AGMO: variants seen among roughly 807,000 people sequenced by gnomAD.
AGMO encodes the protein alkylglycerol monooxygenase, also known as glyceryl-ether monooxygenase.
In AGMO, 75 loss-of-function variants were observed where a neutral mutation model predicts 60.2. The observed-to-expected ratio is 1.25, with a 90% CI of 1.03 to 1.51. The LOEUF (loss-of-function observed/expected upper bound fraction) is 1.51, where lower values mean the gene tolerates loss of function less well. AGMO is among the 40% of genes most tolerant of loss of function. The pLI is 0.00. For synonymous variants in AGMO, 261 were observed against 177.1 expected (o/e 1.47, Z -3.76); for missense variants, 763 against 525.5 (o/e 1.45, Z -4.42).
chr7:15,502,447 T>G (rs1022120462), intron 3 of AGMO, among the ~76,000 whole-genome samples: 3 of 151,950 alleles, frequency 2.0e-5, no homozygotes, highest in African/African-American at 7.2e-5. Flanking sequence ...AATGGACCTC[T>G]TAAAATTATC....
intron 3 of AGMO, among the ~76,000 whole-genome samples, chr7:15,518,928 T>A (rs1783902070): frequency 6.6e-6 from 1 of 151,556 alleles, no homozygotes; most frequent in Non-Finnish European, 1.5e-5. Context: ...TGATAAAAAG[T>A]TACAGCAATT....
intron 2 of AGMO, among the ~76,000 whole-genome samples, chr7:15,547,178 C>A (rs1784805024): frequency 6.6e-6 from 1 of 150,496 alleles, no homozygotes; most frequent in Non-Finnish European, 1.5e-5. Flanking sequence ...GATTTAGGAC[C>A]CTTCCTTCTC....
chr7:15,234,123 T>C (rs180850999), intron 12 of AGMO, among the ~76,000 whole-genome samples: 33 of 152,316 alleles, frequency 2.2e-4, no homozygotes, highest in Admixed American at 1.9e-3. Context: ...ACTTCACTAC[T>C]GACTACAACT....
intron 3 of AGMO, among the ~76,000 whole-genome samples, chr7:15,448,279 G>A (rs928174681): frequency 5.3e-5 from 8 of 152,108 alleles, no homozygotes; most frequent in African/African-American, 1.9e-4. Context: ...GAAGCTTAGG[G>A]AACGGGATTA....
chr7:15,497,828 T>G (rs10950564), intron 3 of AGMO, among the ~76,000 whole-genome samples: 1 of 151,918 alleles, frequency 6.6e-6, no homozygotes, highest in Non-Finnish European at 1.5e-5. Context: ...TTCCTATAGA[T>G]TGGGTTGGAT....
intron 12 of AGMO, among the ~76,000 whole-genome samples, chr7:15,348,571 C>T (rs1477409643): frequency 6.6e-6 from 1 of 151,998 alleles, no homozygotes; most frequent in Non-Finnish European, 1.5e-5. Context: ...TATTTTTCTT[C>T]TTTCTATAGC....
the AGMO span, among the ~76,000 whole-genome samples, chr7:15,145,705 A>G: frequency 6.6e-6 from 1 of 152,150 alleles, no homozygotes; most frequent in Non-Finnish European, 1.5e-5. Context: ...GTCAACCTCC[A>G]TTATGCTCAC....
chr7:15,127,938 T>A, the AGMO span, among the ~76,000 whole-genome samples: 1 of 152,104 alleles, frequency 6.6e-6, no homozygotes, highest in East Asian at 1.9e-4. Flanking sequence ...CCTTTCTCCA[T>A]TAGTGACATG....
At chr7:15,133,393 T>C in the AGMO span, among the ~76,000 whole-genome samples, 13 of 152,202 alleles carry the variant, frequency 8.5e-5, no homozygotes, top group East Asian at 1.7e-3. Flanking sequence ...ATGGCAAAAG[T>C]GCTGAAATGG....
At chr7:15,495,803 G>GTT (rs1459731572) in intron 3 of AGMO, among the ~76,000 whole-genome samples, 2 of 150,626 alleles carry the variant, frequency 1.3e-5, no homozygotes, top group African/African-American at 4.9e-5. Flanking sequence ...CTTTTCCTTT[G>GTT]TAAGTGGGGA....
intron 12 of AGMO, among the ~76,000 whole-genome samples, chr7:15,343,634 A>AC (rs1781935100): frequency 6.6e-6 from 1 of 152,082 alleles, no homozygotes; most frequent in African/African-American, 2.4e-5. Context: ...CTTGTTACCA[A>AC]CCTCTTTGCT....
intron 4 of AGMO, among the ~76,000 whole-genome samples, chr7:15,420,304 A>G (rs1397945265): frequency 6.6e-6 from 1 of 152,082 alleles, no homozygotes; most frequent in Non-Finnish European, 1.5e-5. Context: ...TCACAAGTCT[A>G]TTAGCACACA....
chr7:15,449,057 T>C (rs1370275108), intron 3 of AGMO, among the ~76,000 whole-genome samples: 2 of 152,154 alleles, frequency 1.3e-5, no homozygotes, highest in Non-Finnish European at 2.9e-5. Context: ...TGCCCTCTCT[T>C]TTCTATGTGA....
rs1056232159 is a variant in AGMO at position 15,216,598 on chromosome 7, T to C, written c.1264-15239A>G. On this transcript the variant is annotated intron_variant, in intron 12 of 12. Coordinates refer to ENST00000342526, the MANE Select transcript of AGMO (RefSeq NM_001004320.2). ...ATTAAAGAATAATGATAAAAAATAATGAAGTGTCACTAAAATTCAATATAA... is the reference window on the plus strand; with the variant it reads ...ATTAAAGAATAATGATAAAAAATAACGAAGTGTCACTAAAATTCAATATAA... Among the ~76,000 whole-genome samples the C allele has an allele frequency of 3.3e-5, 5 of 152,186 alleles. No individual in the cohort carries two copies. The South Asian group carries it at 1.0e-3, about 32-fold the overall frequency.
chr7:15,354,456 ACACACG>A (rs1563105740), intron 12 of AGMO, among the ~76,000 whole-genome samples: 2 of 8,622 alleles, frequency 2.3e-4, no homozygotes, highest in Non-Finnish European at 4.2e-4. Context: ...GTGTGTGTAT[ACACACG>A]TGTGTGTATA....
chr7:15,430,917 AG>A (rs1359268676), intron 4 of AGMO, 87 bp downstream of exon 4: 4 of 405,234 alleles, frequency 9.9e-6, no homozygotes, highest in Non-Finnish European at 1.2e-5. Context: ...ACCTTCTATT[AG>A]TTTTTTTTTT....
chr7:15,211,404 G>T (rs1383636320), intron 12 of AGMO, among the ~76,000 whole-genome samples: 1 of 151,920 alleles, frequency 6.6e-6, no homozygotes, highest in Non-Finnish European at 1.5e-5. Flanking sequence ...TTAAAATGAT[G>T]CCTTTAAAGC....
intron 10 of AGMO, among the ~76,000 whole-genome samples, chr7:15,383,669 TC>T (rs1783789055): frequency 6.6e-6 from 1 of 152,160 alleles, no homozygotes; most frequent in Non-Finnish European, 1.5e-5. Flanking sequence ...TTTATTAATT[TC>T]TTTTACTTAT....
chr7:15,296,667 T>C (rs114884706), intron 12 of AGMO, among the ~76,000 whole-genome samples: 3,772 of 152,270 alleles, frequency 0.025, 156 homozygotes, highest in African/African-American at 0.087. Context: ...TAAAAGGACA[T>C]AATTAAGAAG....
Sources: allele counts gnomAD v4.1 joint callset (sites outside exome capture counted in the v4.1 genomes callset), GRCh38; gene constraint gnomAD v4.1.1; transcripts MANE v1.5; gene names NCBI Gene and HGNC (gene_info 2026-07-23, HGNC 2026-07-21).